EMSY: variants seen among roughly 807,000 people sequenced by gnomAD.
The protein encoded by EMSY is EMSY transcriptional repressor, BRCA2 interacting.
In EMSY, 26 loss-of-function variants were observed where a neutral mutation model predicts 134.6. The observed-to-expected ratio is 0.19, with a 90% CI of 0.14 to 0.27. The LOEUF (loss-of-function observed/expected upper bound fraction) is 0.27, where lower values mean the gene tolerates loss of function less well. Among genes scored for constraint, EMSY ranks in the 10% least tolerant of loss-of-function variants. The pLI is 1.00. For synonymous variants in EMSY, 579 were observed against 577.8 expected, an observed-to-expected ratio of 1.00 and a Z score of -0.03; for missense variants, 1,305 against 1,611.4, an observed-to-expected ratio of 0.81 and a Z score of 3.26.
chr11:76,497,811 T>C (rs1267252714), intron 9 of EMSY, among the ~76,000 whole-genome samples: 5 of 152,134 alleles, frequency 3.3e-5, no homozygotes, highest in Admixed American at 3.3e-4. Flanking sequence ...ATTTTTCCTT[T>C]GCTTTTCTGT....
chr11:76,445,884 C>T (rs1947364992), intron 1 of EMSY, among the ~76,000 whole-genome samples: 1 of 152,138 alleles, frequency 6.6e-6, no homozygotes, highest in African/African-American at 2.4e-5. Context: ...GGCGCGCAGT[C>T]CAGTTCTTCT....
At chr11:76,485,273 T>A (rs1045182392) in intron 8 of EMSY, among the ~76,000 whole-genome samples, 1 of 152,156 alleles carries the variant, frequency 6.6e-6, no homozygotes, top group African/African-American at 2.4e-5. Context: ...ATATCCCTGA[T>A]GAACATCAAT....
chr11:76,528,286 C>T (rs1950914130), exon 14 of EMSY: 2 of 1,613,314 alleles, frequency 1.2e-6, no homozygotes, highest in Non-Finnish European at 1.7e-6. Context: ...TAAACCCAAA[C>T]CAGTGACTTT....
intron 14 of EMSY, among the ~76,000 whole-genome samples, chr11:76,530,691 G>A (rs1253360512): frequency 2.0e-5 from 3 of 152,232 alleles, no homozygotes; most frequent in Non-Finnish European, 4.4e-5. Context: ...TTTATAATCT[G>A]CCCCTCCCCT....
At chr11:76,511,656 C>T (rs1329692213) in intron 9 of EMSY, among the ~76,000 whole-genome samples, 1 of 152,102 alleles carries the variant, frequency 6.6e-6, no homozygotes, top group African/African-American at 2.4e-5. Context: ...GCTGAGATTG[C>T]ACCACTGTAC....
intron 17 of EMSY, 108 bp downstream of exon 18, chr11:76,539,748 A>G: frequency 3.8e-6 from 4 of 1,061,184 alleles, no homozygotes; most frequent in Non-Finnish European, 5.8e-6. Flanking sequence ...GAGGAAAGGT[A>G]AGCTCCACTT....
Position 76,539,569 on chromosome 11 carries a change from TATG to T in EMSY, c.2516-27_2516-25del, listed in dbSNP as rs754881769. 8.1e-6 allele frequency: 13 copies of T among 1,610,792 alleles called. No homozygotes were observed. The Admixed American group carries it at 2.0e-4, about 25-fold the overall frequency. The stretch of plus-strand genomic sequence containing the variant: ...TTGCATGGTGAACAGATGAAAAGAC[TATG>T]ATTTCTTCCCTTACTTATCCTTTCA... On this transcript the variant is annotated intron_variant, in intron 16 of 20. Coordinates refer to ENST00000334736, the Ensembl canonical transcript of EMSY.
chr11:76,524,535 ATTCAGATT>A lies in EMSY; in HGVS notation c.1821+1251_1821+1258del, dbSNP rs201341418. On this transcript the variant is annotated intron_variant, in intron 12 of 20. Coordinates refer to ENST00000334736, the Ensembl canonical transcript of EMSY. ...AGCCAAAAGTAAAGCCAGGATTAGA[ATTCAGATT>A]TTCAGAACCCTTTGTAATATGGTTT... Among the ~76,000 whole-genome samples the A allele has an allele frequency of 9.7e-3, 1,475 of 152,286 alleles. 26 individuals are homozygous for A. The highest frequency in any genetic ancestry group is 0.059 in the East Asian group (306 of 5,176).
chr11:76,494,658 CCTTCCTTCCTT>C, intron 8 of EMSY, among the ~76,000 whole-genome samples: 2 of 1,652 alleles, frequency 1.2e-3, no homozygotes, highest in African/African-American at 1.7e-3. Context: ...TCCCTTCCTT[CCTTCCTTCCTT>C]CCTTCCTTCC....
At chr11:76,503,293 G>A (rs1426160529) in intron 9 of EMSY, among the ~76,000 whole-genome samples, 13 of 113,508 alleles carry the variant, frequency 1.1e-4, no homozygotes, top group African/African-American at 3.8e-4. Context: ...AGAGCAAGGC[G>A]TGGTCTCAAA....
chr11:76,468,589 A>G (rs1463560214), intron 7 of EMSY, among the ~76,000 whole-genome samples: 1 of 152,124 alleles, frequency 6.6e-6, no homozygotes, highest in Non-Finnish European at 1.5e-5. Flanking sequence ...TTCACTTTGG[A>G]TTTGTCACAA....
exon 10 of EMSY, chr11:76,513,508 A>C (rs1449265134): frequency 8.7e-6 from 14 of 1,613,310 alleles, no homozygotes; most frequent in Non-Finnish European, 1.1e-5. Context: ...TGCAATTATG[A>C]CAACTAAACT....
chr11:76,513,320 GGGTT>G, intron 9 of EMSY, 62 bp from the exon 11 acceptor site: 1 of 1,498,286 alleles, frequency 6.7e-7, no homozygotes, highest in Non-Finnish European at 9.0e-7. Flanking sequence ...CTGCCCTCTT[GGGTT>G]GGTATAAGGG....
chr11:76,527,158 C>T (rs1360554085), intron 13 of EMSY, among the ~76,000 whole-genome samples: 1 of 152,084 alleles, frequency 6.6e-6, no homozygotes, highest in Non-Finnish European at 1.5e-5. Context: ...TGTTGCTAGG[C>T]TACTGTTTAT....
intron 8 of EMSY, among the ~76,000 whole-genome samples, chr11:76,483,481 C>A (rs147786289): frequency 0.01 from 1,554 of 152,128 alleles, 28 homozygotes; most frequent in East Asian, 0.059. Context: ...GAGTCAAGAC[C>A]CATCGGTGTG....
At chr11:76,480,659 G>C (rs1948939153) in intron 8 of EMSY, among the ~76,000 whole-genome samples, 1 of 148,330 alleles carries the variant, frequency 6.7e-6, no homozygotes, top group South Asian at 2.1e-4. Context: ...CTGGTCTGCA[G>C]CTCCCAGCGA....
intron 18 of EMSY, among the ~76,000 whole-genome samples, chr11:76,543,675 G>C (rs1037577979): frequency 1.3e-5 from 2 of 152,176 alleles, no homozygotes; most frequent in African/African-American, 4.8e-5. Context: ...AGGGCTCTGG[G>C]ATCTGAGCAA....
Position 76,546,040 on chromosome 11 carries a change from A to G in EMSY, c.3517A>G (p.Lys1173Glu), listed in dbSNP as rs552500360. Reference sequence around the variant, plus strand: ...ACATATGATAGTGGATCCCCCAAAGAAGGCTCTTGCCACTAGCATGCTCAC... The same window carrying G: ...ACATATGATAGTGGATCCCCCAAAGGAGGCTCTTGCCACTAGCATGCTCAC... Residue 1173 changes from lysine (K) to glutamate (E), a missense_variant, in exon 20 of 21, where the codon AAG becomes GAG. Physicochemically the swap from Lys to Glu is moderately conservative, Grantham distance 56 (BLOSUM62 1). This residue lies in a region of EMSY where 664 missense variants were observed against 763.9 expected (regional missense o/e 0.87). Transcript: ENST00000334736. 4 of 1,614,180 alleles carry G rather than the reference A, an allele frequency of 2.5e-6. No individual in the cohort carries two copies. The East Asian group carries it at 6.7e-5, about 27-fold the overall frequency.
intron 11 of EMSY, among the ~76,000 whole-genome samples, chr11:76,518,703 A>ATATATATT (rs57143914): frequency 0.057 from 7,407 of 129,850 alleles, 345 homozygotes; most frequent in East Asian, 0.18. Flanking sequence ...ATATATATAT[A>ATATATATT]TTTTTTTTTT....
Sources: allele counts gnomAD v4.1 joint callset (sites outside exome capture counted in the v4.1 genomes callset), GRCh38; gene constraint gnomAD v4.1.1; regional missense constraint gnomAD v4.1.1; transcripts MANE v1.5; gene names NCBI Gene and HGNC (gene_info 2026-07-23, HGNC 2026-07-21).